MTUS2: variants seen among roughly 807,000 people sequenced by gnomAD.
MTUS2 encodes the protein microtubule associated scaffold protein 2, also known as microtubule-associated tumor suppressor candidate 2.
MTUS2 carries 40 observed loss-of-function variants against 114.1 expected under a neutral mutation model. The observed-to-expected ratio is 0.35, with a 90% confidence interval of 0.27 to 0.46. The LOEUF (loss-of-function observed/expected upper bound fraction) is 0.46, where lower values mean the gene tolerates loss of function less well. MTUS2 is among the 20% of genes least tolerant of loss of function. MTUS2 has a pLI of 1.00. For synonymous variants in MTUS2, 688 were observed against 672.0 expected, an observed-to-expected ratio of 1.02 and a Z score of -0.37; for missense variants, 1,679 against 1,705.4, an observed-to-expected ratio of 0.98 and a Z score of 0.27.
rs191210734 is a variant in MTUS2, at chr13:28,963,308, G to A, written c.-242-61149G>A. ...GGAAGTTGCAGTGAGCTGAGATCGT[G>A]CCACTGCACTCCAGCCTGAGCGTCA... is the stretch of plus-strand genomic sequence containing the variant. On this transcript the variant is annotated intron_variant, in intron 2 of 15. Coordinates refer to ENST00000612955, the MANE Select transcript of MTUS2 (RefSeq NM_001033602.4). 1.8e-4 allele frequency among the ~76,000 whole-genome samples: 28 copies of A among 152,258 alleles called. No homozygotes were observed. The East Asian group carries it at 5.4e-3, about 29-fold the overall frequency.
At chr13:29,181,788 C>CTGTGTGTGTG (rs34853883) in intron 5 of MTUS2, among the ~76,000 whole-genome samples, 60 of 146,828 alleles carry the variant, frequency 4.1e-4, no homozygotes, top group African/African-American at 1.4e-3. Flanking sequence ...TTATATACTA[C>CTGTGTGTGTG]TGTGTGTGTG....
chr13:28,982,050 A>G (rs1884383818), intron 2 of MTUS2, among the ~76,000 whole-genome samples: 1 of 152,214 alleles, frequency 6.6e-6, no homozygotes, highest in East Asian at 1.9e-4. Context: ...TGGCTGTGAC[A>G]GAGGATGCCA....
intron 4 of MTUS2, among the ~76,000 whole-genome samples, chr13:29,096,239 TACAC>T (rs1890174122): frequency 1.3e-5 from 2 of 152,222 alleles, no homozygotes; most frequent in Admixed American, 6.5e-5. Context: ...CTTGGGCATG[TACAC>T]AATCACACTA....
At chr13:29,055,197 A>G (rs528892681) in intron 4 of MTUS2, among the ~76,000 whole-genome samples, 1 of 152,094 alleles carries the variant, frequency 6.6e-6, no homozygotes, top group Non-Finnish European at 1.5e-5. Flanking sequence ...TTTGCTTCAC[A>G]TTTTAAAGCT....
At chr13:29,456,489 C>CCTT (rs1879118951) in intron 9 of MTUS2, among the ~76,000 whole-genome samples, 1 of 152,062 alleles carries the variant, frequency 6.6e-6, no homozygotes, top group Admixed American at 6.6e-5. Flanking sequence ...AAAAGAGCAA[C>CCTT]CTGAAGACCC....
chr13:29,388,315 T>C (rs181402966), intron 8 of MTUS2, among the ~76,000 whole-genome samples: 1 of 152,004 alleles, frequency 6.6e-6, no homozygotes, highest in African/African-American at 2.4e-5. Flanking sequence ...GTCTTCGTAC[T>C]TTTTTGTCGT....
intron 2 of MTUS2, among the ~76,000 whole-genome samples, chr13:28,951,597 G>A (rs1276322335): frequency 6.6e-6 from 1 of 152,142 alleles, no homozygotes; most frequent in Non-Finnish European, 1.5e-5. Context: ...CCAGGAGTTT[G>A]AGACCAGCTT....
chr13:29,351,878 G>A (rs1383552441), intron 7 of MTUS2, among the ~76,000 whole-genome samples: 3 of 151,826 alleles, frequency 2.0e-5, no homozygotes, highest in African/African-American at 7.3e-5. Context: ...GCCTCTCAAA[G>A]TGCTGGGATT....
intron 2 of MTUS2, among the ~76,000 whole-genome samples, chr13:28,995,191 GT>G (rs773433055): frequency 2.6e-5 from 4 of 152,200 alleles, no homozygotes; most frequent in Non-Finnish European, 4.4e-5. Flanking sequence ...TGCCAGGTTT[GT>G]CAAAGATCAG....
chr13:29,086,712 C>T (rs999097721), intron 4 of MTUS2, among the ~76,000 whole-genome samples: 3 of 152,082 alleles, frequency 2.0e-5, no homozygotes, highest in Non-Finnish European at 1.5e-5. Flanking sequence ...TTGCTTTGGG[C>T]ACTATGGCCA....
chr13:29,235,357 T>C (rs1388584979), intron 5 of MTUS2, among the ~76,000 whole-genome samples: 2 of 152,198 alleles, frequency 1.3e-5, no homozygotes, highest in African/African-American at 4.8e-5. Flanking sequence ...CCTCCCAAAG[T>C]GCTGGGATTG....
In MTUS2 at chr13:28,863,796, C is replaced by T. The variant is rs569690959; in HGVS notation, c.-243+23946C>T. On this transcript the variant is annotated intron_variant, in intron 2 of 15. Transcript: ENST00000612955. ...TACTGCAGCTTCAAACCCCTGAGCC[C>T]AAGTGATCTTCCTGCCTTAGCGTCC... 2.0e-5 allele frequency among the ~76,000 whole-genome samples: 3 copies of T among 152,280 alleles called. No individual in the cohort carries two copies. In the East Asian group the frequency reaches 5.8e-4, roughly 29 times the overall value.
chr13:28,997,011 T>C lies in MTUS2; in HGVS notation c.-242-27446T>C, dbSNP rs1369417678. 4.6e-5 allele frequency among the ~76,000 whole-genome samples: 7 copies of C among 152,374 alleles called. No individual in the cohort carries two copies. In the East Asian group the frequency reaches 1.4e-3, roughly 29 times the overall value. The stretch of plus-strand genomic sequence containing the variant: ...TTAGGTGTCAATTTTAGATCTTTCC[T>C]GCTTTCTCTTGTGGGCATTTAATGC... On this transcript the variant is annotated intron_variant, in intron 2 of 15. Coordinates refer to ENST00000612955, the MANE Select transcript of MTUS2 (RefSeq NM_001033602.4).
intron 8 of MTUS2, among the ~76,000 whole-genome samples, chr13:29,389,331 A>ATG (rs1566172363): frequency 1.4e-5 from 1 of 69,294 alleles, no homozygotes; most frequent in East Asian, 4.6e-4. Context: ...ATATGTGTGT[A>ATG]TATATGTATG....
intron 5 of MTUS2, among the ~76,000 whole-genome samples, chr13:29,101,685 A>C (rs1171123807): frequency 1.3e-5 from 2 of 152,328 alleles, no homozygotes; most frequent in Admixed American, 6.5e-5. Context: ...TTGGATGGGA[A>C]ACCATGACAT....
chr13:28,923,925 G>T (rs1484711628), intron 2 of MTUS2, among the ~76,000 whole-genome samples: 1 of 151,980 alleles, frequency 6.6e-6, no homozygotes, highest in Admixed American at 6.6e-5. Flanking sequence ...TGTTAGAGCT[G>T]CCCTTCTCCA....
chr13:28,940,363 A>T (rs113997068), intron 2 of MTUS2, among the ~76,000 whole-genome samples: 3 of 152,236 alleles, frequency 2.0e-5, no homozygotes, highest in East Asian at 3.8e-4. Flanking sequence ...AGCTGGAAAT[A>T]AAAGGTCACA....
chr13:29,484,187 CCTT>C (rs1317333055), intron 10 of MTUS2: 2 of 152,242 alleles, frequency 1.3e-5, no homozygotes, highest in Non-Finnish European at 2.9e-5. Context: ...CCAGGATACA[CCTT>C]CTATGCTTTC....
chr13:29,116,822 A>G (rs1405203475), intron 5 of MTUS2, among the ~76,000 whole-genome samples: 1 of 152,122 alleles, frequency 6.6e-6, no homozygotes, highest in Non-Finnish European at 1.5e-5. Flanking sequence ...GGACTGAACA[A>G]TGAAGCATGA....
Sources: allele counts gnomAD v4.1 joint callset (sites outside exome capture counted in the v4.1 genomes callset), GRCh38; gene constraint gnomAD v4.1.1; transcripts MANE v1.5; gene names NCBI Gene and HGNC (gene_info 2026-07-23, HGNC 2026-07-21).